CCSER1: variants seen among roughly 807,000 people sequenced by gnomAD.
The protein encoded by CCSER1 is serine-rich coiled-coil domain-containing protein 1.
CCSER1 carries 41 observed loss-of-function variants against 82.0 expected under a neutral mutation model. That is an observed-to-expected ratio of 0.50 (90% CI 0.39 to 0.65). The LOEUF (loss-of-function observed/expected upper bound fraction) is 0.65. Ranked by LOEUF, CCSER1 falls within the 30% of genes least tolerant of loss-of-function variation. CCSER1 has a pLI of 0.00. For missense variants in CCSER1, 1,119 were observed against 1,064.2 expected (o/e 1.05, Z -0.72); for synonymous variants, 414 against 383.9 (o/e 1.08, Z -0.92).
intron 10 of CCSER1, among the ~76,000 whole-genome samples, chr4:91,108,269 C>T (rs1299816524): frequency 6.6e-6 from 1 of 152,116 alleles, no homozygotes; most frequent in African/African-American, 2.4e-5. Flanking sequence ...AGACAGGGAT[C>T]AGATAATATT....
chr4:91,393,466 A>G (rs1751783852), intron 10 of CCSER1, among the ~76,000 whole-genome samples: 1 of 152,094 alleles, frequency 6.6e-6, no homozygotes, highest in Non-Finnish European at 1.5e-5. Flanking sequence ...ATGAAAATCT[A>G]TATTTTTTGT....
intron 1 of CCSER1, among the ~76,000 whole-genome samples, chr4:90,204,265 C>T (rs984388463): frequency 2.0e-5 from 3 of 152,054 alleles, no homozygotes. Flanking sequence ...AAGTCTTTGC[C>T]CATGCCTGTG....
At chr4:90,637,270 A>G (rs1725597570) in intron 6 of CCSER1, among the ~76,000 whole-genome samples, 1 of 152,168 alleles carries the variant, frequency 6.6e-6, no homozygotes, top group Admixed American at 6.5e-5. Context: ...AAGAGGCCTC[A>G]GTTCCTTACC....
At chr4:90,275,488 G>T (rs192727854) in intron 1 of CCSER1, among the ~76,000 whole-genome samples, 5 of 152,248 alleles carry the variant, frequency 3.3e-5, no homozygotes, top group Admixed American at 2.6e-4. Context: ...TCATCACCTT[G>T]CTAATGAAAT....
intron 10 of CCSER1, among the ~76,000 whole-genome samples, chr4:91,461,783 T>C (rs1756516314): frequency 6.6e-6 from 1 of 152,194 alleles, no homozygotes; most frequent in Non-Finnish European, 1.5e-5. Flanking sequence ...AGGGTATCTC[T>C]CAGTAACTAT....
intron 5 of CCSER1, among the ~76,000 whole-genome samples, chr4:90,472,878 A>G (rs905074246): frequency 2.0e-5 from 3 of 152,162 alleles, no homozygotes; most frequent in Admixed American, 2.0e-4. Context: ...CATAAAAAAG[A>G]GTGAAATCAT....
chr4:90,337,651 C>T, intron 3 of CCSER1, among the ~76,000 whole-genome samples: 1 of 150,556 alleles, frequency 6.6e-6, no homozygotes, highest in African/African-American at 2.4e-5. Flanking sequence ...CCTTAACATT[C>T]TTAAAAATTA....
intron 10 of CCSER1, among the ~76,000 whole-genome samples, chr4:91,474,393 T>C (rs2149447044): frequency 6.6e-6 from 1 of 151,992 alleles, no homozygotes; most frequent in East Asian, 1.9e-4. Flanking sequence ...ACATATATAA[T>C]CACACATTTA....
At chr4:90,493,135 G>A (rs866594806) in intron 5 of CCSER1, among the ~76,000 whole-genome samples, 2 of 152,122 alleles carry the variant, frequency 1.3e-5, no homozygotes, top group South Asian at 2.1e-4. Flanking sequence ...TTCAGTAGCC[G>A]ATTCCATCAA....
chr4:91,366,992 TA>T (rs1412127032), intron 10 of CCSER1, among the ~76,000 whole-genome samples: 1 of 151,994 alleles, frequency 6.6e-6, no homozygotes, highest in Non-Finnish European at 1.5e-5. Context: ...CAAAAATTTT[TA>T]AAAAGTCAAA....
At position 90,594,702 on chromosome 4, in the gene CCSER1, A is replaced by G. The variant is rs73833293; in HGVS notation, c.1725-33323A>G. On this transcript the variant is annotated intron_variant, in intron 5 of 10. Coordinates refer to ENST00000509176, the MANE Select transcript of CCSER1 (RefSeq NM_001145065.2). ...TAGACCATCCTTGTGAACAACATGT[A>G]GAGTTCTACCAGCAGAATAGTAAAT... Among the ~76,000 whole-genome samples, 347 of 152,264 alleles carry G rather than the reference A, an allele frequency of 2.3e-3. 3 individuals carry two copies. The highest frequency in any genetic ancestry group is 8.0e-3 in the African/African-American group (333 of 41,582).
intron 6 of CCSER1, among the ~76,000 whole-genome samples, chr4:90,641,475 G>A (rs940685624): frequency 2.0e-5 from 3 of 151,970 alleles, no homozygotes; most frequent in Non-Finnish European, 4.4e-5. Context: ...AAATAATTAT[G>A]TATACATGTT....
At chr4:91,078,510 A>G (rs1722280208) in intron 9 of CCSER1, among the ~76,000 whole-genome samples, 1 of 152,252 alleles carries the variant, frequency 6.6e-6, no homozygotes, top group African/African-American at 2.4e-5. Flanking sequence ...TCTAAAAATC[A>G]AAAGCCTCTT....
chr4:90,731,268 G>A (rs966144847), intron 7 of CCSER1, among the ~76,000 whole-genome samples: 2 of 152,092 alleles, frequency 1.3e-5, no homozygotes, highest in African/African-American at 4.8e-5. Context: ...ACTTTCTGAT[G>A]TTACAAATAG....
At position 90,400,003 on chromosome 4, in the gene CCSER1, G is replaced by T. The variant is rs577202226; in HGVS notation, c.1510-33G>T. 19 of 1,238,906 alleles carry T rather than the reference G, an allele frequency of 1.5e-5. 1 individual carries two copies. In the South Asian group the frequency reaches 2.0e-4, roughly 13 times the overall value. 76.7% of individuals were successfully genotyped at this position (1,238,906 alleles called of 1,614,324 possible). ...TATTTCCTCATTTACTCAGTGTTTTGGTTTCTAATTGTTGGTTTTGATTTT... is the reference window on the plus strand; with the variant it reads ...TATTTCCTCATTTACTCAGTGTTTTTGTTTCTAATTGTTGGTTTTGATTTT... On this transcript the variant is annotated intron_variant, in intron 3 of 10. Transcript: ENST00000509176.
rs149819863 is a variant in CCSER1, at chr4:91,433,969, G to T, written c.2218-164603G>T. ...GTTTAAGCAAATAATCATAGTATAG[G>T]TTCTGAGAAGTAACACTAATAGGGA... On this transcript the variant is annotated intron_variant, in intron 10 of 10. Coordinates refer to ENST00000509176, the MANE Select transcript of CCSER1 (RefSeq NM_001145065.2). Among the ~76,000 whole-genome samples, 423 of 152,284 alleles carry T rather than the reference G, an allele frequency of 2.8e-3. 2 individuals carry two copies. The highest frequency in any genetic ancestry group is 9.7e-3 in the African/African-American group (405 of 41,552).
At chr4:90,962,231 TA>T (rs545556260) in intron 9 of CCSER1, among the ~76,000 whole-genome samples, 12 of 151,102 alleles carry the variant, frequency 7.9e-5, no homozygotes, top group African/African-American at 2.9e-4. Flanking sequence ...GATGCCAATG[TA>T]AAAAAAAATC....
chr4:91,388,747 G>A (rs1217427826), intron 10 of CCSER1, among the ~76,000 whole-genome samples: 2 of 151,900 alleles, frequency 1.3e-5, no homozygotes, highest in Non-Finnish European at 2.9e-5. Flanking sequence ...GATTACTGTA[G>A]CTTTATAATA....
At chr4:90,449,513 T>C (rs934946228) in intron 4 of CCSER1, among the ~76,000 whole-genome samples, 6 of 152,208 alleles carry the variant, frequency 3.9e-5, no homozygotes, top group Non-Finnish European at 8.8e-5. Flanking sequence ...ATGACGCTCA[T>C]GGTGCCCAGG....
Sources: gnomAD v4.1 joint callset for allele counts (sites outside exome capture counted in the v4.1 genomes callset) on GRCh38, gnomAD v4.1.1 for gene constraint, MANE v1.5 for transcripts, NCBI Gene and HGNC (gene_info 2026-07-23, HGNC 2026-07-21) for gene names.